The following FLT3 variants were observed in gnomAD, a reference collection of about 807,000 sequenced individuals.
The protein encoded by FLT3 is fms related receptor tyrosine kinase 3.
In FLT3, 46 loss-of-function variants were observed where a neutral mutation model predicts 126.6. The observed-to-expected ratio is 0.36, with a 90% CI of 0.29 to 0.46. The LOEUF (loss-of-function observed/expected upper bound fraction) is 0.46, where lower values mean the gene tolerates loss of function less well. FLT3 is among the 20% of genes least tolerant of loss of function. The probability of loss-of-function intolerance (pLI) is 1.00; values close to 1 mark genes in which losing one functional copy is unlikely to be tolerated. For missense variants in FLT3, 1,069 were observed against 1,190.3 expected, an observed-to-expected ratio of 0.90 and a Z score of 1.50; for synonymous variants, 404 against 434.4, an observed-to-expected ratio of 0.93 and a Z score of 0.87.
chr13:28,029,700 G>A (rs1873143675), intron 15 of FLT3, among the ~76,000 whole-genome samples: 1 of 152,202 alleles, frequency 6.6e-6, no homozygotes, highest in African/African-American at 2.4e-5. Context: ...AGATTTGCCA[G>A]CAAGTCCAAT....
At chr13:28,082,131 T>C (rs186166308) in intron 1 of FLT3, among the ~76,000 whole-genome samples, 2 of 151,508 alleles carry the variant, frequency 1.3e-5, no homozygotes, top group African/African-American at 2.4e-5. Flanking sequence ...GCTGGGATTA[T>C]AGGCGTGAGC....
intron 3 of FLT3, among the ~76,000 whole-genome samples, chr13:28,061,464 A>T (rs1234879416): frequency 6.6e-6 from 1 of 152,148 alleles, no homozygotes; most frequent in Non-Finnish European, 1.5e-5. Context: ...TGAAGATAAG[A>T]GTTACAAAAA....
At chr13:28,096,346 C>T (rs1879447690) in intron 1 of FLT3, among the ~76,000 whole-genome samples, 2 of 151,868 alleles carry the variant, frequency 1.3e-5, no homozygotes, top group South Asian at 4.1e-4. Context: ...AGGGCCAGGT[C>T]TTGTCTCAAA....
intron 4 of FLT3, among the ~76,000 whole-genome samples, chr13:28,055,861 C>T (rs552202715): frequency 1.2e-4 from 19 of 152,158 alleles, no homozygotes; most frequent in Admixed American, 2.0e-4. Flanking sequence ...ACCTGGGGCA[C>T]GTATTTACTG....
chr13:28,081,792 TA>T (rs985349019), intron 1 of FLT3, among the ~76,000 whole-genome samples: 1 of 151,136 alleles, frequency 6.6e-6, no homozygotes, highest in African/African-American at 2.4e-5. Context: ...TCTTCTGTAA[TA>T]TTTTTATTAT....
At chr13:28,020,788 C>A (rs1270936054) in intron 19 of FLT3, among the ~76,000 whole-genome samples, 1 of 151,972 alleles carries the variant, frequency 6.6e-6, no homozygotes, top group Admixed American at 6.6e-5. Flanking sequence ...TGGGGCTCAA[C>A]AAATGTTTGA....
chr13:28,045,513 G>T (rs1482331418), intron 9 of FLT3, among the ~76,000 whole-genome samples: 1 of 152,108 alleles, frequency 6.6e-6, no homozygotes, highest in Non-Finnish European at 1.5e-5. Context: ...AGGCCAAGTG[G>T]TAATCAAGTC....
chr13:28,078,878 T>C (rs1277538480), intron 1 of FLT3, among the ~76,000 whole-genome samples: 1 of 152,102 alleles, frequency 6.6e-6, no homozygotes, highest in African/African-American at 2.4e-5. Context: ...CATGCCCAGA[T>C]AATTTTTGTA....
At chr13:28,026,965 TAGG>T in intron 17 of FLT3, 120 bp downstream of exon 17, 1 of 771,284 alleles carries the variant, frequency 1.3e-6, no homozygotes, top group Non-Finnish European at 2.2e-6. Flanking sequence ...AGGAAATCTC[TAGG>T]TTGCAGGACC....
intron 19 of FLT3, among the ~76,000 whole-genome samples, chr13:28,020,409 T>C (rs1566061326): frequency 6.6e-6 from 1 of 152,214 alleles, no homozygotes; most frequent in African/African-American, 2.4e-5. Context: ...AGTGCAGCGG[T>C]ACAATCTCTG....
At chr13:28,009,029 T>C (rs12874529) in intron 23 of FLT3, among the ~76,000 whole-genome samples, 27,579 of 152,096 alleles carry the variant, frequency 0.18, 3,112 homozygotes, top group South Asian at 0.36. Context: ...CATATTGGAG[T>C]GCAGCAGCCC....
intron 6 of FLT3, 127 bp from the exon 7 acceptor site, chr13:28,049,901 G>T (rs775957616): frequency 4.4e-5 from 51 of 1,151,096 alleles, no homozygotes; most frequent in Non-Finnish European, 5.8e-5. Flanking sequence ...ATTAATAAAA[G>T]AAGCTTTTAG....
chr13:28,036,008 G>T lies in FLT3; in HGVS notation c.1345C>A (p.Gln449Lys). 6.2e-7 allele frequency: 1 copy of T among 1,614,152 alleles called. No homozygotes were observed. Among genetic ancestry groups the T allele is most frequent in the Non-Finnish European group, 8.5e-7 (1 of 1,180,026 alleles). ...PQVLAEASASQASCFSDGYPL... is the reference protein window; with the variant it reads ...PQVLAEASASKASCFSDGYPL... Reference sequence around the variant, plus strand: ...TATCCATCCGAGAAACAGGACGCCTGACTTGCCGATGCTTCTGCGAGCACT... The same window carrying T: ...TATCCATCCGAGAAACAGGACGCCTTACTTGCCGATGCTTCTGCGAGCACT... Residue 449 changes from glutamine to lysine, a missense_variant, in exon 11 of 24, where the codon CAG (glutamine) becomes AAG (lysine). By Grantham distance (53) the Gln-to-Lys change is moderately conservative. Transcript: ENST00000241453.
intron 1 of FLT3, among the ~76,000 whole-genome samples, chr13:28,076,968 A>G (rs1199825790): frequency 8.1e-5 from 10 of 123,988 alleles, no homozygotes; most frequent in African/African-American, 2.5e-4. Context: ...GGAAAGAAGG[A>G]AGGGAGGGAG....
At chr13:28,029,987 G>A (rs35562724) in intron 15 of FLT3, among the ~76,000 whole-genome samples, 25,238 of 152,126 alleles carry the variant, frequency 0.17, 2,292 homozygotes, top group Admixed American at 0.23. Context: ...GCAAGGGCAG[G>A]GTCTCTGGAC....
At chr13:28,098,266 G>C (rs997563945) in intron 1 of FLT3, among the ~76,000 whole-genome samples, 1 of 142,362 alleles carries the variant, frequency 7.0e-6, no homozygotes, top group Non-Finnish European at 1.5e-5. Context: ...AGTGAGCTGA[G>C]ATCGCGCCAC....
rs186584292 is a variant in FLT3 at position 28,023,313 on chromosome 13, T to C, written c.2418+37A>G. The C allele has an allele frequency of 4.3e-5, 64 of 1,500,584 alleles. No individual in the cohort carries two copies. The East Asian group carries it at 1.2e-3, about 29-fold the overall frequency. 93.0% of individuals were successfully genotyped at this position (1,500,584 alleles called of 1,614,324 possible). ...ATATATAAGCACATCTTTTCAAATC[T>C]TTTTTTTGGTTTGTTTTTTCTTTAA... On this transcript the variant is annotated intron_variant, in intron 19 of 23. Transcript: ENST00000241453.
intron 23 of FLT3, among the ~76,000 whole-genome samples, chr13:28,013,485 A>C (rs1224563780): frequency 6.6e-6 from 1 of 152,196 alleles, no homozygotes. Context: ...TGGAGCCAAG[A>C]TCTGAACCTC....
chr13:28,034,288 C>A lies in FLT3; in HGVS notation c.1704+13G>T, dbSNP rs1236675686. ...TAGAGGAAAGAATAATGAATTTTTACCTTTGCTTTTACCTTTTTGTACTTG... is the reference window on the plus strand; with the variant it reads ...TAGAGGAAAGAATAATGAATTTTTAACTTTGCTTTTACCTTTTTGTACTTG... On this transcript the variant is annotated intron_variant, in intron 13 of 23. Coordinates refer to ENST00000241453, the MANE Select transcript of FLT3 (RefSeq NM_004119.3). 3 of 1,613,126 alleles carry A rather than the reference C, an allele frequency of 1.9e-6. No individual in the cohort carries two copies. The highest frequency in any genetic ancestry group is 3.3e-5 in the Admixed American group (2 of 59,984).
Sources: allele counts gnomAD v4.1 joint callset (sites outside exome capture counted in the v4.1 genomes callset), GRCh38; gene constraint gnomAD v4.1.1; transcripts MANE v1.5; gene names NCBI Gene and HGNC (gene_info 2026-07-23, HGNC 2026-07-21).